The following PPP6R3 variants were observed in gnomAD, a reference collection of about 807,000 sequenced individuals.
The protein encoded by PPP6R3 is serine/threonine-protein phosphatase 6 regulatory subunit 3.
A neutral mutation model predicts 110.7 loss-of-function variants in PPP6R3; 38 were observed. The observed-to-expected ratio is 0.34, with a 90% confidence interval of 0.26 to 0.45. The LOEUF (loss-of-function observed/expected upper bound fraction) is 0.45. Ranked by LOEUF, PPP6R3 falls within the 20% of genes least tolerant of loss-of-function variation. The probability of loss-of-function intolerance (pLI) is 1.00; values close to 1 mark genes in which losing one functional copy is unlikely to be tolerated. For missense variants in PPP6R3, 870 were observed against 1,062.4 expected (o/e 0.82, Z 2.52); for synonymous variants, 369 against 373.5 (o/e 0.99, Z 0.14).
chr11:68,470,960 A>G (rs2098786986), intron 1 of PPP6R3, among the ~76,000 whole-genome samples: 1 of 152,064 alleles, frequency 6.6e-6, no homozygotes, highest in African/African-American at 2.4e-5. Flanking sequence ...TTCACTGCTC[A>G]AGGGAGAGAT....
chr11:68,563,416 A>G (rs1277474501), intron 8 of PPP6R3, among the ~76,000 whole-genome samples: 2 of 152,116 alleles, frequency 1.3e-5, no homozygotes, highest in African/African-American at 4.8e-5. Context: ...TTCGAAGCAT[A>G]GTTATGATGG....
chr11:68,587,828 C>A, intron 15 of PPP6R3, 99 bp from the exon 16 acceptor site: 1 of 996,736 alleles, frequency 1.0e-6, no homozygotes, highest in Non-Finnish European at 1.6e-6. Context: ...AGCCCTATGG[C>A]TATGTAAATA....
intron 1 of PPP6R3, among the ~76,000 whole-genome samples, chr11:68,481,237 A>G (rs757243258): frequency 1.7e-4 from 26 of 152,212 alleles, no homozygotes; most frequent in Non-Finnish European, 3.2e-4. Context: ...ATAATGACAC[A>G]TAGGCTGGGG....
At chr11:68,465,702 C>T in intron 1 of PPP6R3, among the ~76,000 whole-genome samples, 1 of 152,146 alleles carries the variant, frequency 6.6e-6, no homozygotes, top group East Asian at 1.9e-4. Context: ...CCTTAAGGAC[C>T]TGCAGTCTAG....
intron 22 of PPP6R3, among the ~76,000 whole-genome samples, chr11:68,604,343 A>ATTT (rs1381848199): frequency 6.6e-6 from 1 of 152,248 alleles, no homozygotes; most frequent in Non-Finnish European, 1.5e-5. Context: ...AAAAGGAGAA[A>ATTT]AGCATTTGAT....
At chr11:68,599,100 T>G (rs1465672643) in intron 19 of PPP6R3, among the ~76,000 whole-genome samples, 4 of 152,236 alleles carry the variant, frequency 2.6e-5, no homozygotes, top group Non-Finnish European at 4.4e-5. Context: ...ACACGGGTAC[T>G]TCTTAATCTT....
At chr11:68,471,897 G>A (rs1020943717) in intron 1 of PPP6R3, among the ~76,000 whole-genome samples, 14 of 151,928 alleles carry the variant, frequency 9.2e-5, no homozygotes, top group African/African-American at 3.4e-4. Context: ...GGGATAGTGG[G>A]AGCATGTGGA....
rs1002655062 is a variant in PPP6R3, at chr11:68,564,233, T to C, written c.846-70T>C. The C allele has an allele frequency of 2.1e-6, 3 of 1,446,750 alleles. No homozygotes were observed. The African/African-American group carries it at 4.3e-5, about 21-fold the overall frequency. The allele number at this position is 1,446,750 out of a possible 1,614,324, so 89.6% of individuals were successfully genotyped here. ...TTGATATAATCATTAAGTAAAGACATACATGGTCGATAACCTTGAATGATT... is the reference window on the plus strand; with the variant it reads ...TTGATATAATCATTAAGTAAAGACACACATGGTCGATAACCTTGAATGATT... On this transcript the variant is annotated intron_variant, in intron 8 of 23. Coordinates refer to ENST00000393800, the MANE Select transcript of PPP6R3 (RefSeq NM_001164161.2).
At position 68,597,305 on chromosome 11, in the gene PPP6R3, G is replaced by A. The variant is rs764520038; in HGVS notation, c.2038+1087G>A. 5.8e-4 allele frequency among the ~76,000 whole-genome samples: 88 copies of A among 152,188 alleles called. 2 individuals are homozygous for A. Among genetic ancestry groups the A allele is most frequent in the Non-Finnish European group, 4.0e-4 (27 of 68,034 alleles). ...AGGACCCGTAGGGATTTGCCCGTGC[G>A]AGAGAGAAAACAGCTAATCCAAATG... On this transcript the variant is annotated intron_variant, in intron 19 of 23. Coordinates refer to ENST00000393800, the MANE Select transcript of PPP6R3 (RefSeq NM_001164161.2).
chr11:68,551,081 C>T, intron 5 of PPP6R3, 40 bp from the exon 6 acceptor site: 1 of 1,353,214 alleles, frequency 7.4e-7, no homozygotes, highest in Non-Finnish European at 1.0e-6. Context: ...TGAACAAGAG[C>T]CACTCATTGC....
intron 3 of PPP6R3, among the ~76,000 whole-genome samples, chr11:68,541,629 T>C (rs967164717): frequency 1.3e-5 from 2 of 152,010 alleles, no homozygotes; most frequent in Admixed American, 6.5e-5. Context: ...TAGTGGTAGG[T>C]GGACAGAGGA....
At position 68,574,151 on chromosome 11, in the gene PPP6R3, G is replaced by A. The variant is rs767224093; in HGVS notation, c.1386G>A (p.Thr462=). The A allele has an allele frequency of 5.0e-5, 81 of 1,613,958 alleles. No homozygotes were observed. Among genetic ancestry groups the A allele is most frequent in the Non-Finnish European group, 6.5e-5 (77 of 1,179,938 alleles). ...GGCATGGTTACATGGGACACCTAAC[G>A]AGGATAGCTAACTGTATCGTGCACA... is the stretch of plus-strand genomic sequence containing the variant. The part of the protein sequence containing the change: ...GRRHGYMGHL[T]RIANCIVHST... The change falls in exon 13 of 24, where the codon ACG becomes ACA. Residue 462 remains threonine (T), a synonymous_variant. Coordinates refer to ENST00000393800, the MANE Select transcript of PPP6R3 (RefSeq NM_001164161.2).
intron 1 of PPP6R3, among the ~76,000 whole-genome samples, chr11:68,511,530 G>C (rs564760824): frequency 3.1e-5 from 4 of 129,706 alleles, no homozygotes; most frequent in African/African-American, 5.9e-5. Context: ...GCCCAGGCTG[G>C]AGTGCAGTGT....
Position 68,613,094 on chromosome 11 carries a change from A to G in PPP6R3, c.2599A>G (p.Thr867Ala). 1 of 1,614,132 alleles carries G rather than the reference A, an allele frequency of 6.2e-7. No homozygotes were observed. The highest frequency in any genetic ancestry group is 1.1e-5 in the South Asian group (1 of 91,074). The change falls in exon 24 of 24, where the codon ACT (threonine) becomes GCT (alanine). Residue 867 changes from threonine (T) to alanine (A), a missense_variant. Thr to Ala is a moderately conservative substitution (Grantham distance 58, BLOSUM62 0). Coordinates refer to ENST00000393800, the MANE Select transcript of PPP6R3 (RefSeq NM_001164161.2). Reference protein sequence around the residue: ...RTGQPSAPGDTSVNGPV With the variant: ...RTGQPSAPGDASVNGPV ...TGGCCAACCAAGCGCACCAGGTGAC[A>G]CTTCAGTGAATGGCCCTGTATGACG... is the stretch of plus-strand genomic sequence containing the variant.
intron 1 of PPP6R3, among the ~76,000 whole-genome samples, chr11:68,503,911 C>G (rs2099061399): frequency 6.6e-6 from 1 of 152,190 alleles, no homozygotes; most frequent in Non-Finnish European, 1.5e-5. Flanking sequence ...AAGAGAAAAG[C>G]AAATGCATTG....
intron 1 of PPP6R3, among the ~76,000 whole-genome samples, chr11:68,501,926 CAT>C (rs1206105256): frequency 1.3e-5 from 2 of 152,160 alleles, no homozygotes; most frequent in Non-Finnish European, 2.9e-5. Flanking sequence ...AGCAAAATGA[CAT>C]AGAACTGAAC....
At chr11:68,550,118 C>T (rs747147795) in intron 5 of PPP6R3, among the ~76,000 whole-genome samples, 4 of 152,160 alleles carry the variant, frequency 2.6e-5, no homozygotes, top group African/African-American at 7.2e-5. Flanking sequence ...AGGTCTCTTC[C>T]TTGGCCTACT....
At chr11:68,600,287 G>C in intron 19 of PPP6R3, 54 bp from the exon 20 acceptor site, 2 of 1,543,408 alleles carry the variant, frequency 1.3e-6, no homozygotes, top group Non-Finnish European at 1.8e-6. Flanking sequence ...AATACCTTGT[G>C]GTACATGAAA....
chr11:68,475,832 C>G (rs1457841656), intron 1 of PPP6R3, among the ~76,000 whole-genome samples: 1 of 150,300 alleles, frequency 6.7e-6, no homozygotes, highest in East Asian at 2.0e-4. Context: ...ACGGGGTGGC[C>G]GGGCAGAGAC....
Sources: allele counts gnomAD v4.1 joint callset (sites outside exome capture counted in the v4.1 genomes callset), GRCh38; gene constraint gnomAD v4.1.1; transcripts MANE v1.5; gene names NCBI Gene and HGNC (gene_info 2026-07-23, HGNC 2026-07-21).